PABPC4L: variants seen among roughly 807,000 people sequenced by gnomAD.
PABPC4L encodes polyadenylate-binding protein 4-like.
For missense variants in PABPC4L, 452 were observed against 451.4 expected (o/e 1.00, Z -0.01); for synonymous variants, 169 against 164.1 (o/e 1.03, Z -0.23).
chr4:134,077,509 T>C, the PABPC4L span, among the ~76,000 whole-genome samples: 3 of 152,164 alleles, frequency 2.0e-5, no homozygotes, highest in Non-Finnish European at 4.4e-5. Context: ...CCTTGTTATG[T>C]GGGTTAACAT....
chr4:134,200,029 T>G lies in PABPC4L; in HGVS notation c.991A>C (p.Ser331Arg), dbSNP rs373858382. The G allele has an allele frequency of 2.8e-5, 44 of 1,551,572 alleles. No homozygotes were observed. In the African/African-American group the frequency reaches 5.3e-4, roughly 19 times the overall value. ...RVKVMQEEGQ[S>R]KGFGLICFSS... Reference sequence around the variant, plus strand: ...AAGCAGATCAAGCCAAACCCTTTGCTCTGCCCCTCTTCCTGCATTACCTTA... The same window carrying G: ...AAGCAGATCAAGCCAAACCCTTTGCGCTGCCCCTCTTCCTGCATTACCTTA... Residue 331 changes from serine to arginine, a missense_variant, in exon 2 of 2, where the codon AGC (serine) becomes CGC (arginine). By Grantham distance (110) the Ser-to-Arg change is moderately radical. Transcript: ENST00000421491.
chr4:134,162,478 A>C, the PABPC4L span, among the ~76,000 whole-genome samples: 1 of 152,120 alleles, frequency 6.6e-6, no homozygotes, highest in African/African-American at 2.4e-5. Flanking sequence ...GTCAACAAAG[A>C]AACACTGGAC....
At chr4:133,962,151 T>C in the PABPC4L span, among the ~76,000 whole-genome samples, 1 of 152,174 alleles carries the variant, frequency 6.6e-6, no homozygotes, top group African/African-American at 2.4e-5. Flanking sequence ...GCCCTAGACC[T>C]TCCCTCTGAC....
chr4:134,085,999 A>G, the PABPC4L span, among the ~76,000 whole-genome samples: 3 of 152,128 alleles, frequency 2.0e-5, no homozygotes, highest in Admixed American at 2.0e-4. Context: ...ACTGATTGTA[A>G]TAATAGTAAT....
the PABPC4L span, among the ~76,000 whole-genome samples, chr4:134,068,998 C>T: frequency 2.6e-5 from 4 of 152,300 alleles, no homozygotes; most frequent in East Asian, 7.7e-4. Flanking sequence ...GTGTGAGCCA[C>T]TGCACCCAGC....
At chr4:134,034,286 G>A in the PABPC4L span, among the ~76,000 whole-genome samples, 1 of 151,756 alleles carries the variant, frequency 6.6e-6, no homozygotes, top group African/African-American at 2.4e-5. Context: ...TTACCCTTTC[G>A]ATTATCACTG....
the PABPC4L span, among the ~76,000 whole-genome samples, chr4:134,034,202 G>A: frequency 4.6e-5 from 7 of 152,052 alleles, no homozygotes; most frequent in South Asian, 2.1e-4. Flanking sequence ...AGCATGGATA[G>A]CAACATACCT....
At chr4:134,066,992 G>C in the PABPC4L span, among the ~76,000 whole-genome samples, 714 of 152,030 alleles carry the variant, frequency 4.7e-3, 9 homozygotes, top group African/African-American at 0.016. Context: ...ATATTGCCTT[G>C]AATTCTTCTT....
chr4:133,998,983 G>T, the PABPC4L span, among the ~76,000 whole-genome samples: 2 of 151,744 alleles, frequency 1.3e-5, no homozygotes, highest in Non-Finnish European at 2.9e-5. Flanking sequence ...TCATTTTAGA[G>T]GTGTCCACCC....
the PABPC4L span, among the ~76,000 whole-genome samples, chr4:134,127,254 C>G: frequency 7.8e-4 from 119 of 152,148 alleles, 3 homozygotes; most frequent in East Asian, 0.02. Context: ...GCCCCGCCCC[C>G]CACCTGACCC....
At chr4:134,107,449 A>G in the PABPC4L span, among the ~76,000 whole-genome samples, 1 of 151,690 alleles carries the variant, frequency 6.6e-6, no homozygotes, top group Non-Finnish European at 1.5e-5. Context: ...ACTTAAAGGA[A>G]GTAATGAAAA....
the PABPC4L span, among the ~76,000 whole-genome samples, chr4:134,016,447 G>C: frequency 6.6e-6 from 1 of 152,128 alleles, no homozygotes; most frequent in African/African-American, 2.4e-5. Flanking sequence ...GGCCATTAAA[G>C]GGCATCAGAT....
At chr4:134,039,337 G>T in the PABPC4L span, among the ~76,000 whole-genome samples, 1 of 152,146 alleles carries the variant, frequency 6.6e-6, no homozygotes, top group Admixed American at 6.6e-5. Flanking sequence ...TGTCTATTAG[G>T]TCTGCTTGGT....
chr4:134,030,795 A>G, the PABPC4L span, among the ~76,000 whole-genome samples: 1 of 152,082 alleles, frequency 6.6e-6, no homozygotes, highest in South Asian at 2.1e-4. Context: ...ATTAAAATAG[A>G]AGAGATTAAT....
chr4:134,145,225 T>C, the PABPC4L span, among the ~76,000 whole-genome samples: 1 of 151,820 alleles, frequency 6.6e-6, no homozygotes, highest in Admixed American at 6.6e-5. Context: ...TGATATTCTG[T>C]TATTTATAAC....
At chr4:134,144,589 A>AC in the PABPC4L span, among the ~76,000 whole-genome samples, 2 of 151,466 alleles carry the variant, frequency 1.3e-5, no homozygotes, top group African/African-American at 4.8e-5. Flanking sequence ...TAAAAAAAAA[A>AC]AAAAAACAGT....
the PABPC4L span, among the ~76,000 whole-genome samples, chr4:134,036,535 A>G: frequency 6.6e-6 from 1 of 152,112 alleles, no homozygotes; most frequent in Non-Finnish European, 1.5e-5. Context: ...TATGTGGTAT[A>G]GCTTAATAGT....
the PABPC4L span, among the ~76,000 whole-genome samples, chr4:134,157,598 C>T: frequency 6.6e-6 from 1 of 151,740 alleles, no homozygotes; most frequent in Non-Finnish European, 1.5e-5. Context: ...TACAGCTTCA[C>T]TGAGAAATAT....
At chr4:133,969,683 C>T in the PABPC4L span, among the ~76,000 whole-genome samples, 2 of 152,270 alleles carry the variant, frequency 1.3e-5, no homozygotes, top group East Asian at 1.9e-4. Flanking sequence ...GGGCATTCTG[C>T]CAAAAGGGAA....
Sources: allele counts gnomAD v4.1 joint callset (sites outside exome capture counted in the v4.1 genomes callset), GRCh38; gene constraint gnomAD v4.1.1; transcripts MANE v1.5; gene names NCBI Gene and HGNC (gene_info 2026-07-23, HGNC 2026-07-21).